KCNIP4: variants seen among roughly 807,000 people sequenced by gnomAD.
KCNIP4 encodes the protein Kv channel-interacting protein 4.
Under a neutral mutation model 34.0 loss-of-function variants are expected in KCNIP4, and 12 were observed. The observed-to-expected ratio is 0.35, with a 90% confidence interval of 0.23 to 0.57. The LOEUF is 0.57. Among genes scored for constraint, KCNIP4 ranks in the 20% least tolerant of loss-of-function variants. KCNIP4 has a pLI of 0.83. For synonymous variants in KCNIP4, 124 were observed against 102.2 expected, an observed-to-expected ratio of 1.21 and a Z score of -1.29; for missense variants, 238 against 311.7, an observed-to-expected ratio of 0.76 and a Z score of 1.78.
Position 21,196,737 on chromosome 4 carries a change from C to T in KCNIP4, c.62-314028G>A, listed in dbSNP as rs111811853. Among the ~76,000 whole-genome samples the T allele has an allele frequency of 4.0e-3, 604 of 152,254 alleles. 3 individuals carry two copies. The highest frequency in any genetic ancestry group is 0.014 in the African/African-American group (565 of 41,554). On this transcript the variant is annotated intron_variant, in intron 1 of 8. Coordinates refer to ENST00000382152, the MANE Select transcript of KCNIP4 (RefSeq NM_025221.6). Reference sequence around the variant, plus strand: ...CCTATGCAAGGCAAAGATGTAGATTCAAATTTCATATAATGCTCATTGTTC... The same window carrying T: ...CCTATGCAAGGCAAAGATGTAGATTTAAATTTCATATAATGCTCATTGTTC...
intron 1 of KCNIP4, among the ~76,000 whole-genome samples, chr4:21,422,160 C>G (rs1392028969): frequency 1.3e-5 from 2 of 151,500 alleles, no homozygotes. Flanking sequence ...AAATTACAGA[C>G]AGAAGTATTT....
intron 1 of KCNIP4, among the ~76,000 whole-genome samples, chr4:21,310,854 G>A (rs1560279538): frequency 1.3e-5 from 2 of 151,546 alleles, no homozygotes; most frequent in Non-Finnish European, 2.9e-5. Flanking sequence ...GGTCTGGATC[G>A]CCTAACCTCG....
At chr4:21,809,450 C>G (rs988191538) in intron 1 of KCNIP4, among the ~76,000 whole-genome samples, 31 of 152,182 alleles carry the variant, frequency 2.0e-4, no homozygotes, top group African/African-American at 7.2e-4. Context: ...ATTTCTCAGC[C>G]TCCATAATAC....
chr4:21,574,379 T>A (rs940880334), intron 1 of KCNIP4, among the ~76,000 whole-genome samples: 1 of 151,696 alleles, frequency 6.6e-6, no homozygotes, highest in Non-Finnish European at 1.5e-5. Flanking sequence ...TCAAAGAGAG[T>A]GTTCTATATT....
At chr4:21,676,350 A>T (rs190267996) in intron 1 of KCNIP4, among the ~76,000 whole-genome samples, 41 of 152,354 alleles carry the variant, frequency 2.7e-4, no homozygotes, top group African/African-American at 9.9e-4. Context: ...AAGTCAAATC[A>T]TAATCTGGAT....
At chr4:21,252,684 T>A (rs894797733) in intron 1 of KCNIP4, among the ~76,000 whole-genome samples, 3 of 151,558 alleles carry the variant, frequency 2.0e-5, no homozygotes, top group Non-Finnish European at 4.4e-5. Flanking sequence ...ATCATGACCC[T>A]GATAGAAAAC....
chr4:21,816,578 A>G (rs1316979407), intron 1 of KCNIP4, among the ~76,000 whole-genome samples: 5 of 152,076 alleles, frequency 3.3e-5, no homozygotes, highest in Non-Finnish European at 5.9e-5. Flanking sequence ...CCTTTCTCCC[A>G]GTACACAGCA....
chr4:21,774,210 G>T (rs1414349790), intron 1 of KCNIP4, among the ~76,000 whole-genome samples: 2 of 152,046 alleles, frequency 1.3e-5, no homozygotes, highest in Non-Finnish European at 2.9e-5. Context: ...AGTTTGGCTG[G>T]ATATGAAACG....
intron 1 of KCNIP4, among the ~76,000 whole-genome samples, chr4:21,733,586 G>T (rs919146249): frequency 6.6e-6 from 1 of 152,064 alleles, no homozygotes; most frequent in African/African-American, 2.4e-5. Context: ...TATAATTTTT[G>T]CAAGTCAATA....
intron 1 of KCNIP4, among the ~76,000 whole-genome samples, chr4:21,815,699 A>G (rs1721948546): frequency 6.6e-6 from 1 of 152,160 alleles, no homozygotes; most frequent in African/African-American, 2.4e-5. Flanking sequence ...TGTGAAGCTA[A>G]TTTCCATTCT....
At chr4:21,359,000 C>G (rs1718945313) in intron 1 of KCNIP4, among the ~76,000 whole-genome samples, 1 of 152,026 alleles carries the variant, frequency 6.6e-6, no homozygotes, top group Admixed American at 6.6e-5. Flanking sequence ...CTTCGACCAC[C>G]TTGGGCACAT....
chr4:21,252,214 G>A (rs1263116429), intron 1 of KCNIP4, among the ~76,000 whole-genome samples: 4 of 146,978 alleles, frequency 2.7e-5, no homozygotes, highest in African/African-American at 5.0e-5. Context: ...TGCAATCTCC[G>A]CCTCCCGAGT....
chr4:20,788,656 C>G (rs1019222843), intron 3 of KCNIP4, among the ~76,000 whole-genome samples: 1 of 152,044 alleles, frequency 6.6e-6, no homozygotes, highest in African/African-American at 2.4e-5. Context: ...ATAAACAAAA[C>G]CTATAAATCT....
chr4:21,104,372 G>A (rs1748275399), intron 1 of KCNIP4, among the ~76,000 whole-genome samples: 1 of 152,104 alleles, frequency 6.6e-6, no homozygotes, highest in Non-Finnish European at 1.5e-5. Context: ...TCATGTGTCT[G>A]TTGGCTGCAC....
chr4:21,697,224 C>T, intron 1 of KCNIP4: 7 of 1,249,480 alleles, frequency 5.6e-6, no homozygotes, highest in Non-Finnish European at 7.1e-6. Context: ...AATACAGTTG[C>T]ATTTTATTGA....
At chr4:20,945,446 C>T (rs911701883) in intron 1 of KCNIP4, among the ~76,000 whole-genome samples, 2 of 152,164 alleles carry the variant, frequency 1.3e-5, no homozygotes, top group Non-Finnish European at 2.9e-5. Flanking sequence ...AAAATGGGGA[C>T]ATTCACAACT....
chr4:21,497,552 C>G lies in KCNIP4; in HGVS notation c.61+451019G>C, dbSNP rs758495710. 3.3e-5 allele frequency among the ~76,000 whole-genome samples: 5 copies of G among 152,062 alleles called. 1 individual carries two copies. The highest frequency in any genetic ancestry group is 1.3e-4 in the Admixed American group (2 of 15,262). ...ATTCCACCCCAAACAGTTTTTAAACCTGTATTTTCATTAAAGCTATATAAA... is the reference window on the plus strand; with the variant it reads ...ATTCCACCCCAAACAGTTTTTAAACGTGTATTTTCATTAAAGCTATATAAA... On this transcript the variant is annotated intron_variant, in intron 1 of 8. Transcript: ENST00000382152.
intron 1 of KCNIP4, among the ~76,000 whole-genome samples, chr4:21,519,522 G>A (rs6822417): frequency 9.6e-6 from 1 of 104,054 alleles, no homozygotes; most frequent in Non-Finnish European, 2.0e-5. Flanking sequence ...ATACACATAT[G>A]TGTGTATGTG....
intron 1 of KCNIP4, among the ~76,000 whole-genome samples, chr4:21,141,750 C>T (rs1751968003): frequency 6.6e-6 from 1 of 152,018 alleles, no homozygotes; most frequent in Non-Finnish European, 1.5e-5. Flanking sequence ...AGTAAATCTG[C>T]ATCCATTCAA....
Sources: gnomAD v4.1 joint callset for allele counts (sites outside exome capture counted in the v4.1 genomes callset) on GRCh38, gnomAD v4.1.1 for gene constraint, MANE v1.5 for transcripts, NCBI Gene and HGNC (gene_info 2026-07-23, HGNC 2026-07-21) for gene names.